DLC1: variants seen among roughly 807,000 people sequenced by gnomAD.
DLC1 encodes DLC1 Rho GTPase activating protein.
Under a neutral mutation model 140.3 loss-of-function variants are expected in DLC1, and 54 were observed. The observed-to-expected ratio is 0.38, with a 90% CI of 0.31 to 0.48. The LOEUF (loss-of-function observed/expected upper bound fraction) is 0.48. Ranked by LOEUF, DLC1 falls within the 20% of genes least tolerant of loss-of-function variation. The pLI is 0.96. For missense variants in DLC1, 2,536 were observed against 1,907.0 expected, an observed-to-expected ratio of 1.33 and a Z score of -6.14; for synonymous variants, 986 against 728.1, an observed-to-expected ratio of 1.35 and a Z score of -5.70.
intron 12 of DLC1, among the ~76,000 whole-genome samples, chr8:13,093,796 A>G (rs1305618219): frequency 2.0e-5 from 3 of 152,238 alleles, no homozygotes; most frequent in African/African-American, 7.2e-5. Context: ...AATCCTAGAG[A>G]CAATTTGAGC....
chr8:13,464,585 A>AC (rs1196653936), intron 2 of DLC1, among the ~76,000 whole-genome samples: 14 of 150,560 alleles, frequency 9.3e-5, no homozygotes, highest in Non-Finnish European at 2.1e-4. Context: ...CTGTGAATCC[A>AC]CCCCCCGCCA....
At chr8:13,471,854 A>G (rs1048302881) in intron 2 of DLC1, among the ~76,000 whole-genome samples, 1 of 152,138 alleles carries the variant, frequency 6.6e-6, no homozygotes, top group Non-Finnish European at 1.5e-5. Flanking sequence ...GCCACTCCCA[A>G]GCTCACTGGG....
intron 2 of DLC1, among the ~76,000 whole-genome samples, chr8:13,421,488 A>C (rs956996564): frequency 2.0e-5 from 3 of 152,206 alleles, no homozygotes; most frequent in African/African-American, 4.8e-5. Flanking sequence ...AGATTAAAAA[A>C]AGTCAAAGTT....
At chr8:13,322,910 G>C (rs1421753997) in intron 4 of DLC1, among the ~76,000 whole-genome samples, 2 of 152,164 alleles carry the variant, frequency 1.3e-5, no homozygotes, top group Admixed American at 6.5e-5. Context: ...AGGCACTGCA[G>C]ATTCCCTCTT....
At chr8:13,270,978 C>T (rs1049378800) in intron 5 of DLC1, among the ~76,000 whole-genome samples, 5 of 152,168 alleles carry the variant, frequency 3.3e-5, no homozygotes, top group Non-Finnish European at 7.4e-5. Context: ...TGCTGACTTG[C>T]CTAATATTAC....
Position 13,086,437 on chromosome 8 carries a change from C to T in DLC1, c.4319G>A (p.Gly1440Glu). 2 of 1,614,186 alleles carry T rather than the reference C, an allele frequency of 1.2e-6. No individual in the cohort carries two copies. Among genetic ancestry groups the T allele is most frequent in the Non-Finnish European group, 1.7e-6 (2 of 1,180,028 alleles). ...LRTWRTNLPK[G>E]ACALLLTSVD... ...AGAGGTTAGTAAAAGGGCACAGGCT[C>T]CTTTGGGTAAATTAGTCCTCCAGGT... The change falls in exon 17 of 18, where the codon GGA becomes GAA. Residue 1440 changes from glycine (G) to glutamate (E), a missense_variant. Gly to Glu is a moderately conservative substitution (Grantham distance 98). Transcript: ENST00000276297.
intron 5 of DLC1, among the ~76,000 whole-genome samples, chr8:13,239,781 A>C (rs1157158420): frequency 6.6e-6 from 1 of 152,180 alleles, no homozygotes; most frequent in Non-Finnish European, 1.5e-5. Context: ...CCAGAAGAAG[A>C]CTGTCAAAAT....
At chr8:13,186,223 G>C (rs1826362631) in intron 5 of DLC1, among the ~76,000 whole-genome samples, 2 of 152,170 alleles carry the variant, frequency 1.3e-5, no homozygotes, top group South Asian at 4.1e-4. Context: ...AGTTCTCCTG[G>C]ATAATATCCT....
chr8:13,194,444 G>C (rs1826935436), intron 5 of DLC1, among the ~76,000 whole-genome samples: 1 of 152,168 alleles, frequency 6.6e-6, no homozygotes, highest in East Asian at 1.9e-4. Flanking sequence ...GAATGCTTTT[G>C]CTGATGGCAT....
At chr8:13,166,689 A>G (rs1205261879) in intron 5 of DLC1, among the ~76,000 whole-genome samples, 1 of 152,202 alleles carries the variant, frequency 6.6e-6, no homozygotes, top group Non-Finnish European at 1.5e-5. Flanking sequence ...ACTTACCTAA[A>G]TGGATCAAAT....
intron 5 of DLC1, among the ~76,000 whole-genome samples, chr8:13,197,622 A>C (rs1186339472): frequency 1.3e-5 from 2 of 152,096 alleles, no homozygotes; most frequent in Non-Finnish European, 2.9e-5. Flanking sequence ...CTGGGATTAC[A>C]GGTGTGAGCC....
chr8:13,187,603 A>T (rs1233918983), intron 5 of DLC1, among the ~76,000 whole-genome samples: 3 of 152,232 alleles, frequency 2.0e-5, no homozygotes, highest in Non-Finnish European at 4.4e-5. Context: ...CACTTAGCCA[A>T]TAAAGAAACA....
chr8:13,588,797 G>A (rs1348411883), intron 1 of DLC1, among the ~76,000 whole-genome samples: 1 of 152,058 alleles, frequency 6.6e-6, no homozygotes, highest in Non-Finnish European at 1.5e-5. Flanking sequence ...ACTAGGAGAA[G>A]CATAGGGGCT....
intron 1 of DLC1, among the ~76,000 whole-genome samples, chr8:13,500,565 A>G (rs1022817603): frequency 2.6e-5 from 4 of 152,232 alleles, no homozygotes; most frequent in Non-Finnish European, 4.4e-5. Context: ...TTCCTGATTT[A>G]CTTTTGTGAA....
At chr8:13,265,660 T>A (rs1042528774) in intron 5 of DLC1, among the ~76,000 whole-genome samples, 6 of 151,972 alleles carry the variant, frequency 3.9e-5, no homozygotes, top group Non-Finnish European at 8.8e-5. Flanking sequence ...CTGTGGGTTT[T>A]TTTTCCTTCC....
chr8:13,212,203 C>A (rs1456236425), intron 5 of DLC1, among the ~76,000 whole-genome samples: 1 of 152,122 alleles, frequency 6.6e-6, no homozygotes, highest in East Asian at 1.9e-4. Flanking sequence ...ACATACATGG[C>A]TTTTTAAAAA....
intron 5 of DLC1, among the ~76,000 whole-genome samples, chr8:13,296,549 A>T (rs929312874): frequency 1.3e-5 from 2 of 152,180 alleles, no homozygotes; most frequent in Admixed American, 1.3e-4. Context: ...TCCATCAAAT[A>T]TTATGAAAAG....
intron 3 of DLC1, among the ~76,000 whole-genome samples, chr8:13,396,941 C>T (rs540122644): frequency 6.6e-6 from 1 of 150,524 alleles, no homozygotes; most frequent in South Asian, 2.1e-4. Context: ...CTGTTACCCG[C>T]CCCCCCCAAC....
chr8:13,582,000 G>A (rs1483269529), intron 1 of DLC1, among the ~76,000 whole-genome samples: 3 of 152,118 alleles, frequency 2.0e-5, no homozygotes, highest in Non-Finnish European at 4.4e-5. Context: ...AAGAGGGTAG[G>A]ATGGATACGC....
Sources: allele counts gnomAD v4.1 joint callset (sites outside exome capture counted in the v4.1 genomes callset), GRCh38; gene constraint gnomAD v4.1.1; transcripts MANE v1.5; gene names NCBI Gene and HGNC (gene_info 2026-07-23, HGNC 2026-07-21).